Variants in UMAD1 observed in about 807,000 individuals in gnomAD.
The protein encoded by UMAD1 is UBAP1-MVB12-associated (UMA)-domain containing protein 1.
A neutral mutation model predicts 6.1 loss-of-function variants in UMAD1; 8 were observed. The ratio of observed to expected loss-of-function variants is 1.30; its 90% CI spans 0.76 to 2.35. The LOEUF (loss-of-function observed/expected upper bound fraction) is 2.35, where lower values mean the gene tolerates loss of function less well. Ranked by LOEUF, UMAD1 falls within the 30% of genes most tolerant of loss-of-function variation. UMAD1 has a pLI of 0.00. For synonymous variants in UMAD1, 56 were observed against 31.4 expected (o/e 1.78, Z -2.61); for missense variants, 130 against 78.4 (o/e 1.66, Z -2.49).
chr7:7,713,205 A>C (rs1243754672), intron 2 of UMAD1, among the ~76,000 whole-genome samples: 1 of 151,894 alleles, frequency 6.6e-6, no homozygotes, highest in African/African-American at 2.4e-5. Context: ...TTAGCTGGGC[A>C]TGGTGGCGTG....
Position 7,673,307 on chromosome 7 carries a change from A to G in UMAD1, c.-63-2A>G. On this transcript the variant is annotated splice_acceptor_variant, in intron 1 of 3. Coordinates refer to ENST00000682710, the MANE Select transcript of UMAD1 (RefSeq NM_001302348.2). LOFTEE classifies it low-confidence loss of function (5UTR_SPLICE). ...TGACATTGTGTAATGTTTCTATTTC[A>G]GGTAGCAGCAGCAGCAGCAGCAGCA... is the stretch of plus-strand genomic sequence containing the variant. 2 of 1,080,634 alleles carry G rather than the reference A, an allele frequency of 1.9e-6. No homozygotes were observed. Among genetic ancestry groups the G allele is most frequent in the African/African-American group, 3.6e-5 (2 of 56,300 alleles). 66.9% of individuals were successfully genotyped at this position (1,080,634 alleles called of 1,614,324 possible).
At chr7:7,644,655 A>T (rs1001666080) in intron 1 of UMAD1, among the ~76,000 whole-genome samples, 4 of 152,054 alleles carry the variant, frequency 2.6e-5, no homozygotes, top group African/African-American at 9.7e-5. Context: ...TTCACTTGTC[A>T]CCTTAAGTTT....
chr7:7,689,307 T>A (rs1780116707), intron 2 of UMAD1: 1 of 152,162 alleles, frequency 6.6e-6, no homozygotes, highest in Admixed American at 6.6e-5. Flanking sequence ...CTGATGATGT[T>A]TTATCTATCA....
chr7:7,756,314 A>G (rs1050392717), intron 2 of UMAD1, among the ~76,000 whole-genome samples: 3 of 152,202 alleles, frequency 2.0e-5, no homozygotes, highest in East Asian at 1.9e-4. Flanking sequence ...AGAGTTGAGA[A>G]TTAAAGTGTG....
At chr7:7,818,732 T>C (rs770354197) in intron 3 of UMAD1, among the ~76,000 whole-genome samples, 4 of 152,226 alleles carry the variant, frequency 2.6e-5, no homozygotes, top group Non-Finnish European at 4.4e-5. Context: ...TGTAGCACTA[T>C]TCACAATAGC....
chr7:7,746,211 G>A lies in UMAD1; in HGVS notation c.83-55459G>A, dbSNP rs183592996. ...GCACTGTGTGTGGAGCTGAGTAGAAGAAACATGGTAAAAGCACAGTGTACT... is the reference window on the plus strand; with the variant it reads ...GCACTGTGTGTGGAGCTGAGTAGAAAAAACATGGTAAAAGCACAGTGTACT... On this transcript the variant is annotated intron_variant, in intron 2 of 3. Coordinates refer to ENST00000682710, the MANE Select transcript of UMAD1 (RefSeq NM_001302348.2). Among the ~76,000 whole-genome samples the A allele has an allele frequency of 5.9e-5, 9 of 152,322 alleles. No individual in the cohort carries two copies. The East Asian group carries it at 1.7e-3, about 29-fold the overall frequency.
intron 2 of UMAD1, among the ~76,000 whole-genome samples, chr7:7,753,371 T>C (rs1781714811): frequency 6.6e-6 from 1 of 152,172 alleles, no homozygotes; most frequent in Admixed American, 6.5e-5. Context: ...TCATATTGAT[T>C]CTATTATTTT....
chr7:7,791,547 T>C (rs1782567321), intron 2 of UMAD1, among the ~76,000 whole-genome samples: 1 of 152,248 alleles, frequency 6.6e-6, no homozygotes, highest in South Asian at 2.1e-4. Flanking sequence ...TCTTCCAGCC[T>C]GGAAGTAAGA....
At chr7:7,789,885 A>G (rs1341946478) in intron 2 of UMAD1, among the ~76,000 whole-genome samples, 3 of 152,184 alleles carry the variant, frequency 2.0e-5, no homozygotes, top group Non-Finnish European at 2.9e-5. Flanking sequence ...ACCATTGGCC[A>G]TCGTGCATGG....
At chr7:7,666,561 T>C (rs1049490590) in intron 1 of UMAD1, among the ~76,000 whole-genome samples, 2 of 152,140 alleles carry the variant, frequency 1.3e-5, no homozygotes, top group Non-Finnish European at 2.9e-5. Flanking sequence ...TGGTATCTCA[T>C]TGAGATTCTA....
At position 7,872,856 on chromosome 7, in the gene UMAD1, G is replaced by T. The variant is rs570928204; in HGVS notation, c.157-4425G>T. ...AAAAAAGAAAAGAAAGTTTGAGTGG[G>T]ATGAGACTACCAGATCTAGGGAACA... On this transcript the variant is annotated intron_variant, in intron 3 of 3. Transcript: ENST00000682710. Among the ~76,000 whole-genome samples the T allele has an allele frequency of 2.6e-5, 4 of 152,262 alleles. No individual in the cohort carries two copies. The South Asian group carries it at 8.3e-4, about 32-fold the overall frequency.
intron 2 of UMAD1, among the ~76,000 whole-genome samples, chr7:7,761,555 A>G (rs1337706608): frequency 6.6e-6 from 1 of 152,208 alleles, no homozygotes; most frequent in African/African-American, 2.4e-5. Flanking sequence ...TGCGAGTAAT[A>G]GGACTTGGTA....
intron 3 of UMAD1, among the ~76,000 whole-genome samples, chr7:7,862,601 C>G (rs1009066589): frequency 6.6e-5 from 10 of 152,194 alleles, no homozygotes; most frequent in African/African-American, 2.4e-4. Flanking sequence ...AAAGTCTTAA[C>G]TGTTTTGCAG....
intron 3 of UMAD1, among the ~76,000 whole-genome samples, chr7:7,874,719 A>AATAC (rs1190593980): frequency 6.6e-6 from 1 of 152,174 alleles, no homozygotes; most frequent in Non-Finnish European, 1.5e-5. Flanking sequence ...GTCTCAAAAT[A>AATAC]ATACATAAAT....
At position 7,749,914 on chromosome 7, in the gene UMAD1, T is replaced by C. The variant is rs566811447; in HGVS notation, c.83-51756T>C. Among the ~76,000 whole-genome samples, 15 of 152,266 alleles carry C rather than the reference T, an allele frequency of 9.9e-5. No individual in the cohort carries two copies. The East Asian group carries it at 2.9e-3, about 29-fold the overall frequency. On this transcript the variant is annotated intron_variant, in intron 2 of 3. Coordinates refer to ENST00000682710, the MANE Select transcript of UMAD1 (RefSeq NM_001302348.2). ...TGTGTCACATTTGCATTCATAAATA[T>C]CCATGAAGGATCTCTTTCACCAATG...
At position 7,837,050 on chromosome 7, in the gene UMAD1, A is replaced by G. The variant is rs140647216; in HGVS notation, c.156+35307A>G. Among the ~76,000 whole-genome samples the G allele has an allele frequency of 3.9e-3, 596 of 152,182 alleles. 3 individuals are homozygous for G. Among genetic ancestry groups the G allele is most frequent in the African/African-American group, 0.014 (575 of 41,570 alleles). ...CACATTAGACATATAATAGTGACTC[A>G]GTATAACACCAAAGACAAACAAAAT... On this transcript the variant is annotated intron_variant, in intron 3 of 3. Transcript: ENST00000682710.
At chr7:7,745,591 T>C (rs1016220043) in intron 2 of UMAD1, among the ~76,000 whole-genome samples, 1 of 152,232 alleles carries the variant, frequency 6.6e-6, no homozygotes, top group Non-Finnish European at 1.5e-5. Flanking sequence ...AGTAAGCTTA[T>C]AGTCTAGCGA....
chr7:7,732,579 C>A (rs979576453), intron 2 of UMAD1, among the ~76,000 whole-genome samples: 1 of 152,092 alleles, frequency 6.6e-6, no homozygotes, highest in Non-Finnish European at 1.5e-5. Flanking sequence ...ACATAACCAC[C>A]AGTTTTTGGT....
chr7:7,808,951 G>A (rs897375255), intron 3 of UMAD1, among the ~76,000 whole-genome samples: 2 of 151,978 alleles, frequency 1.3e-5, no homozygotes, highest in Middle Eastern at 3.4e-3. Flanking sequence ...TATACTGACA[G>A]AAGACACAAA....
Sources: allele counts gnomAD v4.1 joint callset (sites outside exome capture counted in the v4.1 genomes callset), GRCh38; gene constraint gnomAD v4.1.1; transcripts MANE v1.5; gene names NCBI Gene and HGNC (gene_info 2026-07-23, HGNC 2026-07-21).